Variants in ATP9B observed in about 807,000 individuals in gnomAD.
ATP9B encodes the protein probable phospholipid-transporting ATPase IIB.
A neutral mutation model predicts 146.1 loss-of-function variants in ATP9B; 110 were observed. That is an observed-to-expected ratio of 0.75 (90% CI 0.65 to 0.88). The LOEUF is 0.88. ATP9B is among the 40% of genes least tolerant of loss of function. The pLI is 0.00. For missense variants in ATP9B, 1,499 were observed against 1,496.4 expected (o/e 1.00, Z -0.03); for synonymous variants, 604 against 569.7 (o/e 1.06, Z -0.86).
At chr18:79,356,485 T>C (rs9965837) in intron 25 of ATP9B, among the ~76,000 whole-genome samples, 77,276 of 152,060 alleles carry the variant, frequency 0.51, 19,962 homozygotes, top group East Asian at 0.7. Context: ...CCAACCCAGA[T>C]GTAACTTCAG....
intron 22 of ATP9B, 46 bp downstream of exon 22, chr18:79,345,618 C>G (rs754597597): frequency 4.4e-5 from 70 of 1,597,956 alleles, no homozygotes; most frequent in Non-Finnish European, 5.7e-5. Context: ...CAGAGAAACC[C>G]GTAGGCTGAC....
At chr18:79,152,242 G>A (rs1340822439) in intron 6 of ATP9B, among the ~76,000 whole-genome samples, 3 of 152,180 alleles carry the variant, frequency 2.0e-5, no homozygotes, top group Non-Finnish European at 4.4e-5. Flanking sequence ...TAAATTAGTA[G>A]AAGTGGTTTT....
chr18:79,252,814 T>G (rs530049908), intron 11 of ATP9B, among the ~76,000 whole-genome samples: 109 of 151,820 alleles, frequency 7.2e-4, no homozygotes, highest in African/African-American at 2.3e-3. Flanking sequence ...TTTTTTTTTT[T>G]CTGTAAGACA....
intron 1 of ATP9B, among the ~76,000 whole-genome samples, chr18:79,072,984 C>G (rs1237913346): frequency 1.3e-5 from 2 of 152,030 alleles, no homozygotes; most frequent in Non-Finnish European, 1.5e-5. Flanking sequence ...TCCTCACTTC[C>G]TAGACGGGAT....
chr18:79,210,059 C>T (rs563352627), intron 10 of ATP9B, among the ~76,000 whole-genome samples: 8 of 152,180 alleles, frequency 5.3e-5, no homozygotes, highest in East Asian at 1.9e-4. Context: ...GCATGGGAAC[C>T]GGGACTCAGG....
At chr18:79,257,824 C>G (rs1485510266) in intron 12 of ATP9B, among the ~76,000 whole-genome samples, 2 of 152,198 alleles carry the variant, frequency 1.3e-5, no homozygotes, top group Admixed American at 6.5e-5. Flanking sequence ...TGATTTCTTT[C>G]AGTTCTAGAA....
rs373412315 is a variant in ATP9B at position 79,359,338 on chromosome 18, G to A, written c.2904-16G>A. 106 of 1,587,974 alleles carry A rather than the reference G, an allele frequency of 6.7e-5. No homozygotes were observed. In the African/African-American group the frequency reaches 8.3e-4, roughly 12 times the overall value. On this transcript the variant is annotated splice_polypyrimidine_tract_variant and intron_variant, in intron 25 of 29. Transcript: ENST00000426216. Reference sequence around the variant, plus strand: ...AAGTTTCTCACGCCCATTGCACTCCGCTCTTGGTCTTGCAGGTATGCCACC... The same window carrying A: ...AAGTTTCTCACGCCCATTGCACTCCACTCTTGGTCTTGCAGGTATGCCACC...
chr18:79,110,799 TAA>T (rs2075959585), intron 3 of ATP9B, among the ~76,000 whole-genome samples: 1 of 152,186 alleles, frequency 6.6e-6, no homozygotes, highest in Non-Finnish European at 1.5e-5. Flanking sequence ...CATAATGAAG[TAA>T]AAGTAAATAA....
At chr18:79,223,854 C>T (rs985984126) in intron 11 of ATP9B, among the ~76,000 whole-genome samples, 2 of 150,762 alleles carry the variant, frequency 1.3e-5, no homozygotes, top group African/African-American at 5.0e-5. Context: ...GCATCTGGGG[C>T]ATAATGCTCT....
intron 13 of ATP9B, among the ~76,000 whole-genome samples, chr18:79,297,451 G>A (rs1246752378): frequency 1.1e-4 from 17 of 152,346 alleles, no homozygotes; most frequent in Admixed American, 5.9e-4. Context: ...GCGGCCCGCC[G>A]TTCTCATCGC....
At position 79,069,419 on chromosome 18, in the gene ATP9B, C is replaced by G. The variant is rs939843980; in HGVS notation, c.9C>G (p.Asp3Glu). 1 of 1,517,922 alleles carries G rather than the reference C, an allele frequency of 6.6e-7. No individual in the cohort carries two copies. The highest frequency in any genetic ancestry group is 8.8e-7 in the Non-Finnish European group (1 of 1,135,950). The allele number at this position is 1,517,922 out of a possible 1,614,324, so 94.0% of individuals were successfully genotyped here. MA[D>E]QIPLYPVRSA... is the part of the protein sequence containing the mutation. ...AAAGGGGCGGTCGGAACATGGCGGACCAGATCCCGCTTTACCCGGTGCGTA... is the reference window on the plus strand; with the variant it reads ...AAAGGGGCGGTCGGAACATGGCGGAGCAGATCCCGCTTTACCCGGTGCGTA... The change falls in exon 1 of 30, where the codon GAC becomes GAG. Residue 3 changes from aspartate to glutamate, a missense_variant. Asp to Glu is a conservative substitution (Grantham distance 45). Transcript: ENST00000426216.
At chr18:79,151,704 A>G (rs1452599405) in intron 6 of ATP9B, among the ~76,000 whole-genome samples, 2 of 149,884 alleles carry the variant, frequency 1.3e-5, no homozygotes, top group Non-Finnish European at 3.0e-5. Flanking sequence ...TAAAATTAGC[A>G]TTTCTGATAT....
chr18:79,075,607 A>G (rs1286285790), intron 1 of ATP9B, among the ~76,000 whole-genome samples: 2 of 152,112 alleles, frequency 1.3e-5, no homozygotes, highest in Non-Finnish European at 2.9e-5. Flanking sequence ...TTCATCTGAC[A>G]CTAATATAGC....
At chr18:79,071,157 G>C (rs2071718431) in intron 1 of ATP9B, among the ~76,000 whole-genome samples, 1 of 147,180 alleles carries the variant, frequency 6.8e-6, no homozygotes, top group Non-Finnish European at 1.5e-5. Context: ...TGCTTGCTCT[G>C]GGTATTACAA....
Position 79,329,142 on chromosome 18 carries a change from T to C in ATP9B, c.1775T>C (p.Val592Ala). 6.3e-7 allele frequency: 1 copy of C among 1,585,656 alleles called. No homozygotes were observed. The highest frequency in any genetic ancestry group is 1.4e-5 in the African/African-American group (1 of 73,828). Residue 592 changes from valine (V) to alanine (A), a missense_variant and splice_region_variant, in exon 16 of 30, where the codon GTC (valine) becomes GCC (alanine). Physicochemically the swap from Val to Ala is moderately conservative, Grantham distance 64. Coordinates refer to ENST00000426216, the MANE Select transcript of ATP9B (RefSeq NM_198531.5). ...TCAGTTGTTGCTGGTCTCCCGTAGG[T>C]CGCTCTGGTGCAGTGGACAGAGAGT... ...RTYQASSPDE[V>A]ALVQWTESVG...
intron 7 of ATP9B, among the ~76,000 whole-genome samples, 174 bp downstream of exon 7, chr18:79,154,729 AAG>A (rs2147635565): frequency 6.6e-6 from 1 of 152,318 alleles, no homozygotes; most frequent in South Asian, 2.1e-4. Context: ...AACCTCTGAA[AAG>A]AGAGTCCACA....
intron 5 of ATP9B, among the ~76,000 whole-genome samples, chr18:79,131,469 T>C (rs2094377250): frequency 6.6e-6 from 1 of 152,174 alleles, no homozygotes; most frequent in Admixed American, 6.5e-5. Context: ...CAAATCTCTA[T>C]GAGACATCAC....
intron 26 of ATP9B, 153 bp from the exon 27 acceptor site, chr18:79,372,672 C>A (rs547060944): frequency 4.3e-6 from 3 of 696,172 alleles, no homozygotes; most frequent in Non-Finnish European, 8.0e-6. Context: ...CAGGAAAAGG[C>A]GCCCGAAATG....
intron 9 of ATP9B, among the ~76,000 whole-genome samples, chr18:79,199,414 C>T (rs970402013): frequency 6.6e-6 from 1 of 152,168 alleles, no homozygotes; most frequent in Non-Finnish European, 1.5e-5. Context: ...TATACCTAGT[C>T]TGTAGTCTTT....
Sources: gnomAD v4.1 joint callset for allele counts (sites outside exome capture counted in the v4.1 genomes callset) on GRCh38, gnomAD v4.1.1 for gene constraint, MANE v1.5 for transcripts, NCBI Gene and HGNC (gene_info 2026-07-23, HGNC 2026-07-21) for gene names.